The following RTL4 variants were observed in gnomAD, a reference collection of about 807,000 sequenced individuals.
RTL4 encodes the protein retrotransposon Gag-like protein 4.
In RTL4, 4 loss-of-function variants were observed where a neutral mutation model predicts 5.3. That is an observed-to-expected ratio of 0.75 (90% CI 0.37 to 1.72). The LOEUF (loss-of-function observed/expected upper bound fraction) is 1.72. RTL4 is among the 40% of genes most tolerant of loss of function. The pLI is 0.04. For missense variants in RTL4, 260 were observed against 227.1 expected, an observed-to-expected ratio of 1.14 and a Z score of -0.93; for synonymous variants, 98 against 87.3, an observed-to-expected ratio of 1.12 and a Z score of -0.68.
chrX:112,346,417 G>A, the RTL4 span, among the ~76,000 whole-genome samples: 1 of 111,440 alleles, frequency 9.0e-6, no homozygotes. Flanking sequence ...AGGGCATACA[G>A]GAAGGGAAGG....
At chrX:112,222,945 T>C in the RTL4 span, among the ~76,000 whole-genome samples, 1 of 112,214 alleles carries the variant, frequency 8.9e-6, no homozygotes, top group Non-Finnish European at 1.9e-5. Context: ...GAACATATTA[T>C]GATACAAATG....
chrX:112,368,334 G>A, the RTL4 span, among the ~76,000 whole-genome samples: 1 of 111,682 alleles, frequency 9.0e-6, no homozygotes, highest in South Asian at 3.7e-4. Flanking sequence ...AAGAATCAGA[G>A]ATAATGCCAA....
At chrX:112,447,624 G>C in the RTL4 span, among the ~76,000 whole-genome samples, 1 of 112,203 alleles carries the variant, frequency 8.9e-6, no homozygotes, top group Admixed American at 9.4e-5. Context: ...TTCTGGGAGG[G>C]AGTGTTGAAT....
At chrX:112,398,431 C>G in the RTL4 span, among the ~76,000 whole-genome samples, 1 of 92,571 alleles carries the variant, frequency 1.1e-5, no homozygotes, top group Non-Finnish European at 2.1e-5. Flanking sequence ...ACAGAGTCTC[C>G]CTCTGTCGCC....
At chrX:112,408,769 A>C in the RTL4 span, among the ~76,000 whole-genome samples, 1 of 112,444 alleles carries the variant, frequency 8.9e-6, no homozygotes, top group East Asian at 2.8e-4. Flanking sequence ...AAGCAGCAGG[A>C]GAAAAGGAAC....
the RTL4 span, among the ~76,000 whole-genome samples, chrX:112,125,945 T>G: frequency 3.8e-3 from 423 of 111,652 alleles, 1 homozygote; most frequent in African/African-American, 0.013. Context: ...AGCTTTTGTT[T>G]TTCACAGCTT....
the RTL4 span, among the ~76,000 whole-genome samples, chrX:112,169,029 TTTCTTTCTTTC>T: frequency 0.027 from 749 of 28,029 alleles, 7 homozygotes; most frequent in African/African-American, 0.076. Flanking sequence ...TCTCTTTCTC[TTTCTTTCTTTC>T]TTTCTTTCTT....
chrX:112,395,356 T>C, the RTL4 span, among the ~76,000 whole-genome samples: 1 of 111,644 alleles, frequency 9.0e-6, no homozygotes, highest in South Asian at 3.7e-4. Flanking sequence ...ATGTGCTTCA[T>C]ATTCATCTAT....
At chrX:112,217,734 G>C in the RTL4 span, among the ~76,000 whole-genome samples, 1 of 111,855 alleles carries the variant, frequency 8.9e-6, no homozygotes, top group African/African-American at 3.2e-5. Flanking sequence ...GCTTAACATA[G>C]AGTTGGCCTT....
the RTL4 span, among the ~76,000 whole-genome samples, chrX:112,311,207 G>C: frequency 1.8e-5 from 2 of 110,333 alleles, no homozygotes; most frequent in African/African-American, 6.6e-5. Context: ...CATTGTGTGT[G>C]ATAAGGCTGA....
the RTL4 span, among the ~76,000 whole-genome samples, chrX:112,180,588 G>A: frequency 5.4e-5 from 6 of 111,743 alleles, no homozygotes; most frequent in African/African-American, 1.6e-4. Context: ...GTTAATGTGC[G>A]TTATTGATGT....
the RTL4 span, among the ~76,000 whole-genome samples, chrX:112,153,886 C>T: frequency 1.7e-4 from 19 of 110,853 alleles, no homozygotes; most frequent in East Asian, 2.6e-3. Flanking sequence ...CATCAAATTA[C>T]GGAAGGTTTC....
the RTL4 span, among the ~76,000 whole-genome samples, chrX:112,172,322 CA>C: frequency 2.9e-5 from 3 of 103,447 alleles, no homozygotes; most frequent in Admixed American, 1.0e-4. Flanking sequence ...AAGACTCTGT[CA>C]AAAAAAAATG....
the RTL4 span, among the ~76,000 whole-genome samples, chrX:112,442,090 G>T: frequency 3.6e-5 from 4 of 111,801 alleles, no homozygotes; most frequent in African/African-American, 1.3e-4. Context: ...ACAAAAAGTA[G>T]ATTAGTGGTT....
At chrX:112,271,937 G>A in the RTL4 span, among the ~76,000 whole-genome samples, 1 of 111,759 alleles carries the variant, frequency 8.9e-6, no homozygotes, top group African/African-American at 3.2e-5. Flanking sequence ...ACAATATGAT[G>A]TTTTCATATG....
the RTL4 span, among the ~76,000 whole-genome samples, chrX:112,361,963 A>G: frequency 9.0e-6 from 1 of 111,547 alleles, no homozygotes; most frequent in East Asian, 2.8e-4. Context: ...GCTTCTACCA[A>G]TAATAGATGC....
At chrX:112,136,272 A>G in the RTL4 span, among the ~76,000 whole-genome samples, 1 of 111,827 alleles carries the variant, frequency 8.9e-6, no homozygotes, top group Non-Finnish European at 1.9e-5. Context: ...TCATCTATGA[A>G]CAGAGATAAT....
chrX:112,308,089 T>C, the RTL4 span, among the ~76,000 whole-genome samples: 7 of 111,634 alleles, frequency 6.3e-5, no homozygotes, highest in African/African-American at 2.3e-4. Flanking sequence ...GCTTGAGTTA[T>C]GTGGGGACCT....
At chrX:112,337,267 A>G in the RTL4 span, among the ~76,000 whole-genome samples, 1 of 112,206 alleles carries the variant, frequency 8.9e-6, no homozygotes, top group East Asian at 2.8e-4. Flanking sequence ...GGAAAGATAG[A>G]AAATAATTAT....
Sources: gnomAD v4.1 joint callset for allele counts (sites outside exome capture counted in the v4.1 genomes callset) on GRCh38, gnomAD v4.1.1 for gene constraint, MANE v1.5 for transcripts, NCBI Gene and HGNC (gene_info 2026-07-23, HGNC 2026-07-21) for gene names.